Variants in WASF1 observed in about 807,000 individuals in gnomAD.
The protein encoded by WASF1 is actin-binding protein WASF1.
In WASF1, 7 loss-of-function variants were observed where a neutral mutation model predicts 50.5. That is an observed-to-expected ratio of 0.14 (90% CI 0.08 to 0.26). The LOEUF is 0.26. WASF1 is among the 10% of genes least tolerant of loss of function. WASF1 has a pLI of 1.00. For missense variants in WASF1, 470 were observed against 694.7 expected, an observed-to-expected ratio of 0.68 and a Z score of 3.64; for synonymous variants, 205 against 244.0, an observed-to-expected ratio of 0.84 and a Z score of 1.49.
intron 10 of WASF1, among the ~76,000 whole-genome samples, chr6:110,100,907 T>C (rs938075335): frequency 1.3e-5 from 2 of 152,188 alleles, no homozygotes; most frequent in African/African-American, 4.8e-5. Context: ...CTACAGTTTA[T>C]TTATCCATCA....
intron 2 of WASF1, among the ~76,000 whole-genome samples, chr6:110,175,597 G>A (rs1201718185): frequency 3.9e-5 from 6 of 152,140 alleles, no homozygotes; most frequent in Non-Finnish European, 7.4e-5. Context: ...ACAGATCTCC[G>A]AAGTCATCTA....
intron 4 of WASF1, among the ~76,000 whole-genome samples, chr6:110,127,127 T>TG (rs1171294725): frequency 6.6e-6 from 1 of 152,170 alleles, no homozygotes; most frequent in Non-Finnish European, 1.5e-5. Flanking sequence ...CACAAATAGT[T>TG]GAGGCCTCTA....
chr6:110,103,620 T>C, intron 8 of WASF1, 63 bp from the exon 9 acceptor site: 1 of 1,390,038 alleles, frequency 7.2e-7, no homozygotes, highest in Non-Finnish European at 9.6e-7. Flanking sequence ...GGGTTCTACA[T>C]GAGATATTAA....
At chr6:110,172,246 C>T (rs192789478) in intron 2 of WASF1, among the ~76,000 whole-genome samples, 2 of 152,162 alleles carry the variant, frequency 1.3e-5, no homozygotes, top group East Asian at 1.9e-4. Flanking sequence ...ATGTTTATTG[C>T]GACACCATTC....
chr6:110,143,821 T>C (rs1166917280), intron 3 of WASF1, among the ~76,000 whole-genome samples: 2 of 152,260 alleles, frequency 1.3e-5, no homozygotes, highest in African/African-American at 4.8e-5. Context: ...ATGACATTAA[T>C]GTTAACTAAA....
chr6:110,164,723 T>TA (rs1467619064), intron 2 of WASF1, among the ~76,000 whole-genome samples: 2 of 151,608 alleles, frequency 1.3e-5, no homozygotes, highest in African/African-American at 4.8e-5. Context: ...GGTGAAAACT[T>TA]ACACCCATAC....
At chr6:110,166,108 G>A (rs1227090128) in intron 2 of WASF1, among the ~76,000 whole-genome samples, 4 of 151,388 alleles carry the variant, frequency 2.6e-5, no homozygotes, top group African/African-American at 9.7e-5. Flanking sequence ...GCCAAAATAC[G>A]ATAAGCCATT....
intron 3 of WASF1, among the ~76,000 whole-genome samples, chr6:110,149,119 G>A (rs116004452): frequency 8.9e-4 from 135 of 152,230 alleles, no homozygotes; most frequent in African/African-American, 3.1e-3. Context: ...ATGGTATTTG[G>A]GACAGGGGTA....
At chr6:110,171,334 C>G (rs759116394) in intron 2 of WASF1, among the ~76,000 whole-genome samples, 13 of 152,108 alleles carry the variant, frequency 8.5e-5, no homozygotes, top group Non-Finnish European at 1.6e-4. Context: ...CTAAATAACA[C>G]ATGGTTCAAA....
At position 110,104,638 on chromosome 6, in the gene WASF1, A is replaced by T. The variant is rs151109111; in HGVS notation, c.713+769T>A. On this transcript the variant is annotated intron_variant, in intron 8 of 10. Coordinates refer to ENST00000392589, the MANE Select transcript of WASF1 (RefSeq NM_003931.3). ...ACCCCATCTCTACTAAAAATACAAAAATTAGCTGGGCGTGGTGGCGTGTGC... is the reference window on the plus strand; with the variant it reads ...ACCCCATCTCTACTAAAAATACAAATATTAGCTGGGCGTGGTGGCGTGTGC... 4.0e-4 allele frequency among the ~76,000 whole-genome samples: 61 copies of T among 152,180 alleles called. 1 individual carries two copies. In the East Asian group the frequency reaches 0.012, roughly 29 times the overall value.
chr6:110,108,285 A>C (rs1773415524), intron 6 of WASF1, among the ~76,000 whole-genome samples: 2 of 152,112 alleles, frequency 1.3e-5, no homozygotes, highest in Non-Finnish European at 2.9e-5. Flanking sequence ...TTACATTAAT[A>C]AGTTTACCAG....
chr6:110,105,687 T>C (rs1044381120), intron 7 of WASF1, 108 bp from the exon 8 acceptor site: 1 of 1,037,560 alleles, frequency 9.6e-7, no homozygotes, highest in African/African-American at 1.6e-5. Flanking sequence ...AAAGACAATG[T>C]CATCATAATA....
chr6:110,116,439 G>T (rs1401452416), intron 4 of WASF1, among the ~76,000 whole-genome samples: 1 of 152,164 alleles, frequency 6.6e-6, no homozygotes, highest in Admixed American at 6.5e-5. Context: ...TGCTAGTGCG[G>T]CAGTCTGAGA....
At chr6:110,135,440 A>T (rs559630669) in intron 3 of WASF1, among the ~76,000 whole-genome samples, 1 of 152,308 alleles carries the variant, frequency 6.6e-6, no homozygotes, top group Non-Finnish European at 1.5e-5. Flanking sequence ...ATGCTATCAA[A>T]TGTTTTTCCT....
chr6:110,116,748 C>A (rs1242661513), intron 4 of WASF1, among the ~76,000 whole-genome samples: 1 of 152,096 alleles, frequency 6.6e-6, no homozygotes, highest in Non-Finnish European at 1.5e-5. Context: ...CCCCGTGTAG[C>A]CTGACTGGGG....
chr6:110,171,534 G>C (rs967339232), intron 2 of WASF1, among the ~76,000 whole-genome samples: 2 of 152,060 alleles, frequency 1.3e-5, no homozygotes, highest in African/African-American at 4.8e-5. Flanking sequence ...ATATCATGAA[G>C]TCTGTATTAG....
intron 1 of WASF1, among the ~76,000 whole-genome samples, chr6:110,179,137 T>C (rs1231297946): frequency 6.6e-6 from 1 of 151,972 alleles, no homozygotes; most frequent in African/African-American, 2.4e-5. Flanking sequence ...GCCCGGGCGG[T>C]GGCACCTCAG....
intron 3 of WASF1, among the ~76,000 whole-genome samples, chr6:110,134,310 A>C (rs759079284): frequency 2.0e-5 from 3 of 152,174 alleles, no homozygotes; most frequent in Non-Finnish European, 4.4e-5. Flanking sequence ...TTTGTTGAAC[A>C]GAGTGTCCTT....
intron 5 of WASF1, among the ~76,000 whole-genome samples, chr6:110,112,018 T>C (rs1281127726): frequency 6.6e-6 from 1 of 151,428 alleles, no homozygotes; most frequent in African/African-American, 2.4e-5. Context: ...GAGTTTACAT[T>C]TTACAAGTGG....
Sources: gnomAD v4.1 joint callset for allele counts (sites outside exome capture counted in the v4.1 genomes callset) on GRCh38, gnomAD v4.1.1 for gene constraint, MANE v1.5 for transcripts, NCBI Gene and HGNC (gene_info 2026-07-23, HGNC 2026-07-21) for gene names.